The following RASGEF1B variants were observed in gnomAD, a reference collection of about 807,000 sequenced individuals.
RASGEF1B encodes the protein ras-GEF domain-containing family member 1B.
In RASGEF1B, 30 loss-of-function variants were observed where a neutral mutation model predicts 65.7. That is an observed-to-expected ratio of 0.46 (90% confidence interval 0.34 to 0.62). The LOEUF (loss-of-function observed/expected upper bound fraction) is 0.62. Ranked by LOEUF, RASGEF1B falls within the 20% of genes least tolerant of loss-of-function variation. RASGEF1B has a pLI of 0.01. For synonymous variants in RASGEF1B, 175 were observed against 194.8 expected (o/e 0.90, Z 0.85); for missense variants, 495 against 580.1 (o/e 0.85, Z 1.51).
intron 4 of RASGEF1B, chr4:81,451,203 T>G (rs1201200557): frequency 6.6e-6 from 1 of 152,070 alleles, no homozygotes; most frequent in African/African-American, 2.4e-5. Context: ...CTAAACAGAG[T>G]TTGATATGAA....
In RASGEF1B at chr4:81,426,809, C is replaced by T. The variant is rs1002062162; in HGVS notation, c.*959G>A. The T allele has an allele frequency of 6.6e-6, 1 of 151,548 alleles. No homozygotes were observed. Among genetic ancestry groups the T allele is most frequent in the African/African-American group, 2.4e-5 (1 of 41,244 alleles). 9.4% of individuals were successfully genotyped at this position (151,548 alleles called of 1,614,324 possible). ...CAGACTCCCAAAAGTAATGAAAAGT[C>T]GATTAAAAAGAAAATTGTAATTATG... On this transcript the variant is annotated 3_prime_UTR_variant, in exon 14 of 14. Transcript: ENST00000264400.
chr4:81,442,785 T>G (rs533589889), intron 8 of RASGEF1B, among the ~76,000 whole-genome samples: 87 of 152,364 alleles, frequency 5.7e-4, no homozygotes, highest in African/African-American at 1.9e-3. Flanking sequence ...GAATTTATAT[T>G]ACAGTCACAT....
At chr4:81,466,157 G>A (rs540452023) in intron 1 of RASGEF1B, among the ~76,000 whole-genome samples, 7 of 152,152 alleles carry the variant, frequency 4.6e-5, no homozygotes, top group Admixed American at 2.6e-4. Flanking sequence ...TTAATATCCC[G>A]GAATTACTGG....
chr4:81,463,794 C>T (rs911849555), intron 1 of RASGEF1B, among the ~76,000 whole-genome samples: 5 of 152,172 alleles, frequency 3.3e-5, no homozygotes, highest in African/African-American at 7.2e-5. Context: ...TTCGGTATTA[C>T]TCAGACTTGA....
chr4:81,457,729 T>C (rs1722499946), intron 2 of RASGEF1B, 108 bp from the exon 3 acceptor site: 4 of 1,282,516 alleles, frequency 3.1e-6, no homozygotes, highest in Non-Finnish European at 3.3e-6. Flanking sequence ...GTTCATATGC[T>C]GCAGTTTCAA....
intron 9 of RASGEF1B, among the ~76,000 whole-genome samples, chr4:81,441,422 G>A (rs1021277282): frequency 6.6e-6 from 1 of 152,018 alleles, no homozygotes; most frequent in Admixed American, 6.6e-5. Context: ...TTCCAATTTG[G>A]GAGAAAACTT....
intron 2 of RASGEF1B, 105 bp from the exon 3 acceptor site, chr4:81,457,726 T>G (rs1305273196): frequency 7.6e-7 from 1 of 1,307,744 alleles, no homozygotes; most frequent in Non-Finnish European, 1.1e-6. Context: ...CAAGTTCATA[T>G]GCTGCAGTTT....
rs546907988 is a variant in RASGEF1B at position 81,426,981 on chromosome 4, C to CAAAAAA, written c.*781_*786dup. 1.8e-4 allele frequency: 6 copies of CAAAAAA among 34,248 alleles called. No individual in the cohort carries two copies. Among genetic ancestry groups the CAAAAAA allele is most frequent in the Non-Finnish European group, 2.8e-4 (5 of 17,688 alleles). The allele number at this position is 34,248 out of a possible 1,614,324, so 2.1% of individuals were successfully genotyped here. On this transcript the variant is annotated 3_prime_UTR_variant, in exon 14 of 14. Coordinates refer to ENST00000264400, the MANE Select transcript of RASGEF1B (RefSeq NM_152545.3). Reference sequence around the variant, plus strand: ...GTCAGTTGTAAACAGCTCAGAAGAGCAAAAAAAAAAAAAAAAAAAAAAAAA... The same window carrying CAAAAAA: ...GTCAGTTGTAAACAGCTCAGAAGAGCAAAAAAAAAAAAAAAAAAAAAAAAAAAAAAA...
intron 1 of RASGEF1B, among the ~76,000 whole-genome samples, chr4:81,460,638 A>G (rs1012257545): frequency 6.6e-6 from 1 of 152,222 alleles, no homozygotes; most frequent in African/African-American, 2.4e-5. Flanking sequence ...GCTACAGCTG[A>G]TGGGTACACA....
At chr4:81,467,601 T>C (rs889626158) in intron 1 of RASGEF1B, among the ~76,000 whole-genome samples, 1 of 152,180 alleles carries the variant, frequency 6.6e-6, no homozygotes, top group African/African-American at 2.4e-5. Context: ...TCCTTGTCTT[T>C]CAAAGAGTTG....
In RASGEF1B at chr4:81,459,324, A is replaced by G; in HGVS notation, c.177+8T>C. On this transcript the variant is annotated splice_region_variant and intron_variant, in intron 2 of 13. Transcript: ENST00000264400. Reference sequence around the variant, plus strand: ...AAGGATGTGTTTCAGAGAAACATGAATACCTACATCTGGATAGTAATCCAC... The same window carrying G: ...AAGGATGTGTTTCAGAGAAACATGAGTACCTACATCTGGATAGTAATCCAC... 1 of 1,566,542 alleles carries G rather than the reference A, an allele frequency of 6.4e-7. No individual in the cohort carries two copies. The highest frequency in any genetic ancestry group is 8.6e-7 in the Non-Finnish European group (1 of 1,158,498).
chr4:81,466,770 A>AAAAAAAAAAAG (rs748492254), intron 1 of RASGEF1B, among the ~76,000 whole-genome samples: 2 of 36,100 alleles, frequency 5.5e-5, no homozygotes, highest in African/African-American at 9.5e-5. Flanking sequence ...AAAAAAAAAA[A>AAAAAAAAAAAG]AAAGAAAGAA....
intron 8 of RASGEF1B, among the ~76,000 whole-genome samples, chr4:81,443,774 T>C (rs1380661016): frequency 1.3e-5 from 2 of 152,240 alleles, no homozygotes; most frequent in Non-Finnish European, 2.9e-5. Context: ...GGCATTTTCA[T>C]GGAGTAAATA....
chr4:81,460,178 T>C (rs1722592493), intron 1 of RASGEF1B, among the ~76,000 whole-genome samples: 1 of 152,166 alleles, frequency 6.6e-6, no homozygotes, highest in African/African-American at 2.4e-5. Context: ...CAGTTCTCAA[T>C]AAACATGCAG....
At chr4:81,453,749 A>C (rs976999607) in intron 4 of RASGEF1B, 1 of 152,250 alleles carries the variant, frequency 6.6e-6, no homozygotes. Context: ...AGGAGCCTGA[A>C]GCCAAAGAAC....
chr4:81,437,827 T>C (rs1011544635), intron 10 of RASGEF1B, among the ~76,000 whole-genome samples: 1 of 152,178 alleles, frequency 6.6e-6, no homozygotes, highest in African/African-American at 2.4e-5. Context: ...GATAATTCCC[T>C]TCAGATCTGT....
At chr4:81,465,786 G>A (rs558748741) in intron 1 of RASGEF1B, among the ~76,000 whole-genome samples, 2 of 152,284 alleles carry the variant, frequency 1.3e-5, no homozygotes, top group Non-Finnish European at 2.9e-5. Flanking sequence ...AGAGGTTGAG[G>A]AAAAGATGGG....
Position 81,441,540 on chromosome 4 carries a change from A to G in RASGEF1B, c.1009-611T>C, listed in dbSNP as rs887938531. ...TCAAATACACATACTCTTGCACGCGATTTTTTTTTTTTTTTTTTTGAGACA... is the reference window on the plus strand; with the variant it reads ...TCAAATACACATACTCTTGCACGCGGTTTTTTTTTTTTTTTTTTTGAGACA... On this transcript the variant is annotated intron_variant, in intron 9 of 13. Coordinates refer to ENST00000264400, the MANE Select transcript of RASGEF1B (RefSeq NM_152545.3). 4.5e-5 allele frequency among the ~76,000 whole-genome samples: 6 copies of G among 133,846 alleles called. No homozygotes were observed. In the East Asian group the frequency reaches 1.3e-3, roughly 28 times the overall value. The allele number at this position is 133,846 out of a possible 152,430, so 87.8% of individuals were successfully genotyped here.
At chr4:81,461,250 T>C (rs915753885) in intron 1 of RASGEF1B, among the ~76,000 whole-genome samples, 2 of 141,382 alleles carry the variant, frequency 1.4e-5, no homozygotes, top group South Asian at 2.1e-4. Flanking sequence ...GAGAAACTCA[T>C]AGTGCCCTCA....
Sources: gnomAD v4.1 joint callset for allele counts (sites outside exome capture counted in the v4.1 genomes callset) on GRCh38, gnomAD v4.1.1 for gene constraint, MANE v1.5 for transcripts, NCBI Gene and HGNC (gene_info 2026-07-23, HGNC 2026-07-21) for gene names.